Variants in ADAM32 observed in about 807,000 individuals in gnomAD.
ADAM32 encodes the protein disintegrin and metalloproteinase domain-containing protein 32.
ADAM32 carries 89 observed loss-of-function variants against 114.9 expected under a neutral mutation model. The observed-to-expected ratio is 0.77, with a 90% CI of 0.65 to 0.92. The LOEUF (loss-of-function observed/expected upper bound fraction) is 0.92, where lower values mean the gene tolerates loss of function less well. Ranked by LOEUF, ADAM32 falls within the 40% of genes least tolerant of loss-of-function variation. The pLI is 0.00. For synonymous variants in ADAM32, 285 were observed against 307.5 expected, an observed-to-expected ratio of 0.93 and a Z score of 0.77; for missense variants, 870 against 932.8, an observed-to-expected ratio of 0.93 and a Z score of 0.88.
At chr8:39,247,848 C>T (rs1048663753) in intron 17 of ADAM32, among the ~76,000 whole-genome samples, 4 of 151,344 alleles carry the variant, frequency 2.6e-5, no homozygotes, top group Admixed American at 6.6e-5. Flanking sequence ...GGCCTATGAC[C>T]CATTCTGGAT....
chr8:39,126,317 G>C (rs961986196), intron 2 of ADAM32, among the ~76,000 whole-genome samples: 2 of 152,162 alleles, frequency 1.3e-5, no homozygotes, highest in Non-Finnish European at 2.9e-5. Flanking sequence ...AGCATGGAAT[G>C]TTTTTCCAGT....
intron 16 of ADAM32, among the ~76,000 whole-genome samples, chr8:39,234,401 G>T (rs1809965391): frequency 6.6e-6 from 1 of 152,060 alleles, no homozygotes. Flanking sequence ...TCTTCTGGGA[G>T]AAGAAAGAAG....
At chr8:39,236,472 TA>T (rs569435402) in intron 16 of ADAM32, among the ~76,000 whole-genome samples, 4 of 152,234 alleles carry the variant, frequency 2.6e-5, no homozygotes, top group East Asian at 1.9e-4. Context: ...CCTGAATCAT[TA>T]AAAAAATTAT....
chr8:39,168,744 C>G (rs1467426375), intron 9 of ADAM32: 2 of 152,024 alleles, frequency 1.3e-5, no homozygotes, highest in Middle Eastern at 3.1e-3. Flanking sequence ...GGAGCTGAAC[C>G]TTTGAAGGAG....
At chr8:39,147,431 G>C (rs1409409236) in intron 4 of ADAM32, among the ~76,000 whole-genome samples, 3 of 151,534 alleles carry the variant, frequency 2.0e-5, no homozygotes, top group African/African-American at 7.3e-5. Context: ...TTGATATTTT[G>C]TTAAATAAAA....
intron 10 of ADAM32, among the ~76,000 whole-genome samples, chr8:39,184,729 T>C (rs1474580080): frequency 6.6e-6 from 1 of 152,192 alleles, no homozygotes; most frequent in African/African-American, 2.4e-5. Context: ...TTGGTTTAGT[T>C]CTGGGAATCT....
At chr8:39,168,060 T>C (rs1273079674) in intron 9 of ADAM32, 1 of 152,144 alleles carries the variant, frequency 6.6e-6, no homozygotes, top group Non-Finnish European at 1.5e-5. Context: ...ACTAACATTG[T>C]TTATCTTTAT....
At chr8:39,149,658 A>T in intron 4 of ADAM32, 133 bp from the exon 5 acceptor site, 1 of 559,386 alleles carries the variant, frequency 1.8e-6, no homozygotes, top group Non-Finnish European at 3.0e-6. Context: ...TCTGAATTTC[A>T]CCTTACTTGT....
At chr8:39,161,752 A>T (rs979333590) in intron 7 of ADAM32, among the ~76,000 whole-genome samples, 4 of 152,100 alleles carry the variant, frequency 2.6e-5, no homozygotes, top group Non-Finnish European at 5.9e-5. Context: ...AGGGACCAGG[A>T]TTTGGAGAAA....
At chr8:39,108,139 T>A (rs1032649105) in intron 1 of ADAM32, 11 of 280,920 alleles carry the variant, frequency 3.9e-5, no homozygotes, top group Non-Finnish European at 7.2e-5. Flanking sequence ...TAAAAAAATG[T>A]TCCGAGGTGG....
intron 2 of ADAM32, among the ~76,000 whole-genome samples, chr8:39,130,654 G>A (rs36042872): frequency 0.28 from 43,167 of 151,850 alleles, 6,191 homozygotes; most frequent in Middle Eastern, 0.34. Context: ...TTTGATTCAT[G>A]GGTTATTTAG....
At chr8:39,217,698 T>C (rs1165769997) in intron 12 of ADAM32, among the ~76,000 whole-genome samples, 3 of 152,232 alleles carry the variant, frequency 2.0e-5, no homozygotes, top group Non-Finnish European at 4.4e-5. Context: ...ACTGCAGAAT[T>C]TCTGCTTGAT....
chr8:39,190,515 C>A (rs1032466477), intron 11 of ADAM32, among the ~76,000 whole-genome samples: 2 of 152,204 alleles, frequency 1.3e-5, no homozygotes, highest in Non-Finnish European at 2.9e-5. Context: ...CCACTGACAG[C>A]GTATGAGTTG....
intron 10 of ADAM32, among the ~76,000 whole-genome samples, chr8:39,174,812 T>A (rs973448545): frequency 6.6e-6 from 1 of 151,784 alleles, no homozygotes; most frequent in Non-Finnish European, 1.5e-5. Context: ...TTCTTTCTAT[T>A]TATGAACATG....
chr8:39,245,162 G>T (rs1459063907), intron 16 of ADAM32, among the ~76,000 whole-genome samples: 1 of 152,120 alleles, frequency 6.6e-6, no homozygotes, highest in Non-Finnish European at 1.5e-5. Flanking sequence ...ACAGCAACCT[G>T]GATGGAGTTG....
At position 39,232,040 on chromosome 8, in the gene ADAM32, T is replaced by C. The variant is rs1809769091; in HGVS notation, c.1539T>C (p.Ala513=). The change falls in exon 15 of 25, where the codon GCT becomes GCC. Residue 513 remains alanine (A), a synonymous_variant. Transcript: ENST00000379907. ...TAACTTTAACAGGTTCAAGAAATGCTCCATTTGCCTGCTATGAAGAAATAC... is the reference window on the plus strand; with the variant it reads ...TAACTTTAACAGGTTCAAGAAATGCCCCATTTGCCTGCTATGAAGAAATAC... The part of the protein sequence containing the change: ...ESVFGKGSRN[A]PFACYEEIQS... 2 of 1,610,564 alleles carry C rather than the reference T, an allele frequency of 1.2e-6. No individual in the cohort carries two copies. Among genetic ancestry groups the C allele is most frequent in the South Asian group, 1.1e-5 (1 of 90,320 alleles).
intron 20 of ADAM32, 37 bp downstream of exon 20, chr8:39,270,951 G>C: frequency 6.4e-7 from 1 of 1,566,396 alleles, no homozygotes; most frequent in Non-Finnish European, 8.7e-7. Context: ...GATACATGTT[G>C]AAAATTAAGA....
In ADAM32 at chr8:39,122,106, T is replaced by C. The variant is rs572239357; in HGVS notation, c.138+3941T>C. 1.2e-4 allele frequency among the ~76,000 whole-genome samples: 19 copies of C among 152,244 alleles called. No homozygotes were observed. The East Asian group carries it at 3.7e-3, about 29-fold the overall frequency. On this transcript the variant is annotated intron_variant, in intron 2 of 24. Coordinates refer to ENST00000379907, the MANE Select transcript of ADAM32 (RefSeq NM_145004.7). ...GAGAGGAATTTTGCCTCAGGATGAG[T>C]CATAACTTGTATCTCAACCATACCT...
intron 5 of ADAM32, among the ~76,000 whole-genome samples, chr8:39,151,142 A>G (rs140061038): frequency 6.6e-6 from 1 of 152,340 alleles, no homozygotes. Context: ...ATACTTGTGT[A>G]CCTAGCAATT....
Sources: allele counts gnomAD v4.1 joint callset (sites outside exome capture counted in the v4.1 genomes callset), GRCh38; gene constraint gnomAD v4.1.1; transcripts MANE v1.5; gene names NCBI Gene and HGNC (gene_info 2026-07-23, HGNC 2026-07-21).